Variants in PLEKHG1 observed in about 807,000 individuals in gnomAD.
The protein encoded by PLEKHG1 is pleckstrin homology domain-containing family G member 1.
A neutral mutation model predicts 100.8 loss-of-function variants in PLEKHG1; 44 were observed. The ratio of observed to expected loss-of-function variants is 0.44; its 90% CI spans 0.34 to 0.56. The LOEUF (loss-of-function observed/expected upper bound fraction) is 0.56. PLEKHG1 is among the 20% of genes least tolerant of loss of function. The probability of loss-of-function intolerance (pLI) is 0.01; values close to 1 mark genes in which losing one functional copy is unlikely to be tolerated. For synonymous variants in PLEKHG1, 640 were observed against 662.5 expected, an observed-to-expected ratio of 0.97 and a Z score of 0.52; for missense variants, 1,545 against 1,720.9, an observed-to-expected ratio of 0.90 and a Z score of 1.81.
chr6:150,615,078 G>C (rs1777010206), intron 1 of PLEKHG1, among the ~76,000 whole-genome samples: 1 of 152,174 alleles, frequency 6.6e-6, no homozygotes. Context: ...AAAATTTCAA[G>C]GTCACAAGTA....
chr6:150,790,884 A>G, intron 4 of PLEKHG1, among the ~76,000 whole-genome samples: 1 of 152,098 alleles, frequency 6.6e-6, no homozygotes, highest in South Asian at 2.1e-4. Flanking sequence ...ATTGCCAGGC[A>G]TGGTGGCAGG....
intron 3 of PLEKHG1, among the ~76,000 whole-genome samples, chr6:150,688,511 A>G (rs976675164): frequency 2.0e-5 from 3 of 151,998 alleles, no homozygotes; most frequent in Admixed American, 2.0e-4. Flanking sequence ...TAGTAGAAAC[A>G]GGGCTTCACC....
chr6:150,801,366 T>C (rs1461759714), intron 6 of PLEKHG1, among the ~76,000 whole-genome samples: 1 of 152,156 alleles, frequency 6.6e-6, no homozygotes, highest in African/African-American at 2.4e-5. Flanking sequence ...TTTCCACTAC[T>C]TTTGCAAAAT....
intron 10 of PLEKHG1, among the ~76,000 whole-genome samples, chr6:150,817,267 C>G (rs1776017340): frequency 6.6e-6 from 1 of 152,192 alleles, no homozygotes; most frequent in African/African-American, 2.4e-5. Context: ...GAGCTGGGAT[C>G]ACAGACATTG....
chr6:150,674,782 A>G (rs1779704455), intron 3 of PLEKHG1, among the ~76,000 whole-genome samples: 1 of 151,586 alleles, frequency 6.6e-6, no homozygotes. Flanking sequence ...TCCTGGATTC[A>G]AGAGATTCTC....
chr6:150,804,683 G>A (rs779288580), exon 7 of PLEKHG1: 11 of 1,613,618 alleles, frequency 6.8e-6, no homozygotes, highest in African/African-American at 4.0e-5. Flanking sequence ...ACAATGCAGC[G>A]AGTCGCCTGG....
At chr6:150,805,535 T>G (rs1787020552) in intron 7 of PLEKHG1, among the ~76,000 whole-genome samples, 1 of 151,956 alleles carries the variant, frequency 6.6e-6, no homozygotes. Context: ...GGTTTCCTTT[T>G]TTTTTTTTGG....
At position 150,649,789 on chromosome 6, in the gene PLEKHG1, A is replaced by T. The variant is rs893729549; in HGVS notation, c.-157-939A>T. On this transcript the variant is annotated intron_variant, in intron 2 of 3. Coordinates refer to the PLEKHG1 transcript ENST00000367326. The stretch of plus-strand genomic sequence containing the variant: ...CACTTTGGGAGGCCGAGGCGGGCGG[A>T]TCACAAGGTCAGGAGATCGAGACCA... 2.0e-5 allele frequency among the ~76,000 whole-genome samples: 3 copies of T among 152,112 alleles called. No homozygotes were observed. In the East Asian group the frequency reaches 5.8e-4, roughly 29 times the overall value.
Position 150,823,636 on chromosome 6 carries a change from A to C in PLEKHG1, c.1448-18A>C, listed in dbSNP as rs1218422771. ...ACATTTTCATTCTCAAACTTGAAAA[A>C]AAACTTTTATTTTTCAGAAACAGCA... On this transcript the variant is annotated intron_variant, in intron 13 of 15. Coordinates refer to ENST00000358517, the Ensembl canonical transcript of PLEKHG1. 4 of 1,587,218 alleles carry C rather than the reference A, an allele frequency of 2.5e-6. No homozygotes were observed. The highest frequency in any genetic ancestry group is 2.6e-6 in the Non-Finnish European group (3 of 1,156,216).
chr6:150,820,025 C>CA (rs113803772), intron 12 of PLEKHG1, among the ~76,000 whole-genome samples: 3,473 of 152,172 alleles, frequency 0.023, 137 homozygotes, highest in African/African-American at 0.079. Flanking sequence ...GCCTGGCCAA[C>CA]TGGAGAAACC....
chr6:150,818,108 A>G, intron 10 of PLEKHG1, 75 bp from the exon 12 acceptor site: 1 of 1,071,048 alleles, frequency 9.3e-7, no homozygotes, highest in South Asian at 1.3e-5. Flanking sequence ...CAGGTGGGAT[A>G]AGATCTGTGT....
At chr6:150,736,496 C>A (rs1260112506) in intron 2 of PLEKHG1, among the ~76,000 whole-genome samples, 1 of 152,190 alleles carries the variant, frequency 6.6e-6, no homozygotes, top group African/African-American at 2.4e-5. Context: ...AGGCTGAATG[C>A]GGTGGCTTAT....
chr6:150,650,341 T>TG lies in PLEKHG1; in HGVS notation c.-157-382dup, dbSNP rs1239287474. ...GCCTCGCGTTTTCTCTCTCCTTTGT[T>TG]GGGGGAAATTCTTCCTGGTTTCTGG... On this transcript the variant is annotated intron_variant, in intron 2 of 3. Transcript: ENST00000367326. Among the ~76,000 whole-genome samples the TG allele has an allele frequency of 2.0e-5, 3 of 152,150 alleles. No homozygotes were observed. In the East Asian group the frequency reaches 5.8e-4, roughly 29 times the overall value.
chr6:150,763,743 G>T (rs1421059499), intron 2 of PLEKHG1, among the ~76,000 whole-genome samples: 1 of 152,172 alleles, frequency 6.6e-6, no homozygotes, highest in African/African-American at 2.4e-5. Flanking sequence ...CTGTCTCCAT[G>T]CTACAGCCAA....
intron 2 of PLEKHG1, among the ~76,000 whole-genome samples, chr6:150,755,747 C>A (rs9918380): frequency 0.11 from 16,944 of 152,152 alleles, 1,021 homozygotes; most frequent in East Asian, 0.17. Flanking sequence ...TTTCCCACCT[C>A]GCTACATCGG....
intron 14 of PLEKHG1, among the ~76,000 whole-genome samples, chr6:150,829,600 G>T (rs1467695392): frequency 6.6e-6 from 1 of 152,108 alleles, no homozygotes; most frequent in Non-Finnish European, 1.5e-5. Flanking sequence ...CTGCATTCCA[G>T]CCTGGGCGAC....
intron 1 of PLEKHG1, among the ~76,000 whole-genome samples, chr6:150,622,555 A>G (rs73016055): frequency 0.13 from 20,134 of 151,988 alleles, 1,632 homozygotes; most frequent in South Asian, 0.21. Context: ...CCCAGAGCCC[A>G]CCCTTCAGTA....
chr6:150,777,781 T>C (rs1231366230), intron 3 of PLEKHG1, among the ~76,000 whole-genome samples: 4 of 151,870 alleles, frequency 2.6e-5, no homozygotes, highest in Admixed American at 2.6e-4. Flanking sequence ...GCAATCCTGG[T>C]GCACATGTGC....
intron 7 of PLEKHG1, among the ~76,000 whole-genome samples, chr6:150,808,738 C>T (rs774547307): frequency 1.3e-5 from 2 of 151,494 alleles, no homozygotes; most frequent in African/African-American, 4.9e-5. Flanking sequence ...GGTGACAGAG[C>T]GAGACTCTGT....
Sources: allele counts gnomAD v4.1 joint callset (sites outside exome capture counted in the v4.1 genomes callset), GRCh38; gene constraint gnomAD v4.1.1; transcripts MANE v1.5; gene names NCBI Gene and HGNC (gene_info 2026-07-23, HGNC 2026-07-21).